SUGCT: variants seen among roughly 807,000 people sequenced by gnomAD.
SUGCT encodes the protein succinyl-CoA:glutarate CoA-transferase.
SUGCT carries 41 observed loss-of-function variants against 55.0 expected under a neutral mutation model. The ratio of observed to expected loss-of-function variants is 0.74; its 90% CI spans 0.58 to 0.97. The LOEUF is 0.97. SUGCT is among the 50% of genes least tolerant of loss of function. SUGCT has a pLI of 0.00. For missense variants in SUGCT, 568 were observed against 547.8 expected (o/e 1.04, Z -0.37); for synonymous variants, 187 against 200.4 (o/e 0.93, Z 0.56).
intron 13 of SUGCT, among the ~76,000 whole-genome samples, chr7:40,768,595 A>G (rs1584410511): frequency 6.6e-6 from 1 of 152,150 alleles, no homozygotes; most frequent in East Asian, 1.9e-4. Context: ...AACATGACCA[A>G]TAGCAAACGT....
chr7:40,169,445 G>C (rs751547008), intron 1 of SUGCT, among the ~76,000 whole-genome samples: 2 of 152,154 alleles, frequency 1.3e-5, no homozygotes, highest in Admixed American at 6.6e-5. Flanking sequence ...GGCTCTGTGA[G>C]GGTGATGGCA....
At chr7:40,433,989 A>G (rs1321487843) in intron 9 of SUGCT, among the ~76,000 whole-genome samples, 4 of 152,164 alleles carry the variant, frequency 2.6e-5, no homozygotes, top group Non-Finnish European at 4.4e-5. Context: ...GGGCGGGCAT[A>G]TACATACCAC....
intron 12 of SUGCT, among the ~76,000 whole-genome samples, chr7:40,620,785 A>T (rs1317176820): frequency 6.6e-6 from 1 of 152,176 alleles, no homozygotes; most frequent in Non-Finnish European, 1.5e-5. Context: ...ATCATTTCAA[A>T]CACAAATAGA....
rs1314961773 is a variant in SUGCT, at chr7:40,249,315, A to ATCTATATCTATATCTATATATC, written c.576+11590_576+11591insCTATATCTATATCTATATATCT. On this transcript the variant is annotated intron_variant, in intron 7 of 13. Coordinates refer to ENST00000335693, the MANE Select transcript of SUGCT (RefSeq NM_001193313.2). Reference sequence around the variant, plus strand: ...TTAAAACAAAAAACACCAAAAAGCTATATATATATATATATATATATATAT... The same window carrying ATCTATATCTATATCTATATATC: ...TTAAAACAAAAAACACCAAAAAGCTATCTATATCTATATCTATATATCTATATATATATATATATATATATAT... Among the ~76,000 whole-genome samples, 3 of 33,516 alleles carry ATCTATATCTATATCTATATATC rather than the reference A, an allele frequency of 9.0e-5. 1 individual carries two copies. 22.0% of individuals were successfully genotyped at this position (33,516 alleles called of 152,430 possible).
chr7:41,027,446 T>C, the SUGCT span, among the ~76,000 whole-genome samples: 1 of 152,186 alleles, frequency 6.6e-6, no homozygotes, highest in Non-Finnish European at 1.5e-5. Context: ...CTGACTAGGT[T>C]TGAAGCTTAC....
At chr7:40,751,921 G>GA (rs1788032746) in intron 13 of SUGCT, among the ~76,000 whole-genome samples, 1 of 152,194 alleles carries the variant, frequency 6.6e-6, no homozygotes, top group Non-Finnish European at 1.5e-5. Flanking sequence ...CACTGTAAGT[G>GA]AACGAAAGCT....
At chr7:40,539,715 A>C (rs983196086) in intron 12 of SUGCT, 20 of 152,210 alleles carry the variant, frequency 1.3e-4, no homozygotes, top group African/African-American at 4.8e-4. Context: ...GAAATCTCTT[A>C]ATGATATTGT....
At chr7:40,277,437 G>T (rs1044429999) in intron 8 of SUGCT, among the ~76,000 whole-genome samples, 1 of 151,786 alleles carries the variant, frequency 6.6e-6, no homozygotes, top group African/African-American at 2.4e-5. Flanking sequence ...TGATCCACCT[G>T]CCTCAGCCTC....
intron 9 of SUGCT, among the ~76,000 whole-genome samples, chr7:40,377,217 CTTTT>C (rs1784634194): frequency 2.7e-4 from 3 of 10,990 alleles, no homozygotes; most frequent in Admixed American, 1.5e-3. Context: ...TCTTTTCTTT[CTTTT>C]CTTTCTTTCT....
intron 6 of SUGCT, among the ~76,000 whole-genome samples, chr7:40,219,017 C>G (rs148494145): frequency 0.017 from 2,657 of 152,264 alleles, 74 homozygotes; most frequent in African/African-American, 0.062. Flanking sequence ...TCTTTGGGTC[C>G]GCACTACCTT....
chr7:40,711,132 A>C (rs1374290777), intron 12 of SUGCT, among the ~76,000 whole-genome samples: 5 of 152,220 alleles, frequency 3.3e-5, no homozygotes, highest in Non-Finnish European at 1.5e-5. Context: ...CGGGTGTGAG[A>C]AACTCAGGAG....
chr7:40,182,742 A>T (rs1045983359), intron 3 of SUGCT, among the ~76,000 whole-genome samples: 1 of 152,154 alleles, frequency 6.6e-6, no homozygotes, highest in Non-Finnish European at 1.5e-5. Context: ...ATGGAGGCAC[A>T]GAGAAGTAAA....
At chr7:40,741,947 C>G (rs546860319) in intron 12 of SUGCT, among the ~76,000 whole-genome samples, 1 of 152,072 alleles carries the variant, frequency 6.6e-6, no homozygotes, top group Non-Finnish European at 1.5e-5. Flanking sequence ...TAACAAAATT[C>G]AGGAGAATTA....
At chr7:40,244,130 G>T in intron 7 of SUGCT, among the ~76,000 whole-genome samples, 1 of 152,138 alleles carries the variant, frequency 6.6e-6, no homozygotes, top group Non-Finnish European at 1.5e-5. Context: ...CCCAGATTGC[G>T]CCACTGCACT....
intron 6 of SUGCT, among the ~76,000 whole-genome samples, chr7:40,210,533 C>T (rs2150791273): frequency 6.6e-6 from 1 of 151,658 alleles, no homozygotes; most frequent in South Asian, 2.1e-4. Flanking sequence ...AGTTTTGGTG[C>T]TGTATAAGAA....
chr7:40,707,248 T>TA lies in SUGCT; in HGVS notation c.1090-42186_1090-42185insA, dbSNP rs1554405062. On this transcript the variant is annotated intron_variant, in intron 12 of 13. Coordinates refer to ENST00000335693, the MANE Select transcript of SUGCT (RefSeq NM_001193313.2). ...CAAAATCTACTTTTTTTTTTTTTTT[T>TA]TAAAAAGGCAGAACTGTTTGGGCAA... Among the ~76,000 whole-genome samples, 640 of 142,854 alleles carry TA rather than the reference T, an allele frequency of 4.5e-3. 3 individuals carry two copies. Among genetic ancestry groups the TA allele is most frequent in the African/African-American group, 0.014 (528 of 38,358 alleles). 93.7% of individuals were successfully genotyped at this position (142,854 alleles called of 152,430 possible). A position where few individuals can be genotyped will look rare whatever the true frequency, so the allele number is the denominator to read the frequency against.
chr7:41,032,083 A>G, the SUGCT span, among the ~76,000 whole-genome samples: 2 of 152,190 alleles, frequency 1.3e-5, no homozygotes, highest in Non-Finnish European at 2.9e-5. Flanking sequence ...TTATATGAAC[A>G]AGACAGGAAA....
intron 12 of SUGCT, among the ~76,000 whole-genome samples, chr7:40,670,943 C>T (rs1801909759): frequency 6.6e-6 from 1 of 151,900 alleles, no homozygotes; most frequent in Admixed American, 6.6e-5. Context: ...AGGCAGTACA[C>T]AAAAGAAAGC....
intron 9 of SUGCT, among the ~76,000 whole-genome samples, chr7:40,343,668 T>A (rs532709080): frequency 1.8e-4 from 28 of 152,236 alleles, no homozygotes; most frequent in South Asian, 1.0e-3. Flanking sequence ...TATTATTATT[T>A]TTTTTTGAGA....
Sources: gnomAD v4.1 joint callset for allele counts (sites outside exome capture counted in the v4.1 genomes callset) on GRCh38, gnomAD v4.1.1 for gene constraint, MANE v1.5 for transcripts, NCBI Gene and HGNC (gene_info 2026-07-23, HGNC 2026-07-21) for gene names.